ADCY2: variants seen among roughly 807,000 people sequenced by gnomAD.
ADCY2 encodes adenylate cyclase type 2.
Under a neutral mutation model 125.2 loss-of-function variants are expected in ADCY2, and 31 were observed. The ratio of observed to expected loss-of-function variants is 0.25; its 90% CI spans 0.19 to 0.33. The LOEUF is 0.33. Ranked by LOEUF, ADCY2 falls within the 10% of genes least tolerant of loss-of-function variation. ADCY2 has a pLI of 1.00. For missense variants in ADCY2, 904 were observed against 1,418.2 expected, an observed-to-expected ratio of 0.64 and a Z score of 5.82; for synonymous variants, 512 against 548.4, an observed-to-expected ratio of 0.93 and a Z score of 0.93.
chr5:7,758,748 TG>T (rs1743097532), intron 16 of ADCY2, among the ~76,000 whole-genome samples: 1 of 11,604 alleles, frequency 8.6e-5, no homozygotes, highest in Non-Finnish European at 6.9e-4. Context: ...GCCTGCTCGA[TG>T]GAATCCTGGA....
At position 7,575,316 on chromosome 5, in the gene ADCY2, G is replaced by A. The variant is rs576330489; in HGVS notation, c.571-50851G>A. Among the ~76,000 whole-genome samples, 440 of 151,734 alleles carry A rather than the reference G, an allele frequency of 2.9e-3. 1 individual carries two copies. The highest frequency in any genetic ancestry group is 9.9e-3 in the African/African-American group (410 of 41,320). The stretch of plus-strand genomic sequence containing the variant: ...TTTTCTTTTGGATTGTCTGTTTCCC[G>A]TGCATTAAAATAATGAAAAAAACAC... On this transcript the variant is annotated intron_variant, in intron 3 of 24. Transcript: ENST00000338316.
At chr5:7,502,615 C>G (rs990601929) in intron 2 of ADCY2, among the ~76,000 whole-genome samples, 1 of 152,216 alleles carries the variant, frequency 6.6e-6, no homozygotes, top group African/African-American at 2.4e-5. Flanking sequence ...TGGGGTCATT[C>G]AAATATGTGT....
chr5:7,795,116 CCTGAGAGGTGA>C, intron 20 of ADCY2: 1 of 152,268 alleles, frequency 6.6e-6, no homozygotes, highest in Middle Eastern at 3.4e-3. Flanking sequence ...CCTCCTGGGC[CCTGAGAGGTGA>C]CTGAGAGCAA....
In ADCY2 at chr5:7,413,241, A is replaced by G. The variant is rs146933897; in HGVS notation, c.211-1332A>G. 9.0e-3 allele frequency among the ~76,000 whole-genome samples: 1,362 copies of G among 152,104 alleles called. 18 individuals are homozygous for G. Among genetic ancestry groups the G allele is most frequent in the African/African-American group, 0.03 (1,251 of 41,520 alleles). The stretch of plus-strand genomic sequence containing the variant: ...CCACCTGTAAAGAATAGAGATCACC[A>G]GACAGACAGTCCCTTTGTAAGTCCC... On this transcript the variant is annotated intron_variant, in intron 1 of 24. Coordinates refer to ENST00000338316, the MANE Select transcript of ADCY2 (RefSeq NM_020546.3).
At chr5:7,421,641 A>G (rs1232827917) in intron 2 of ADCY2, among the ~76,000 whole-genome samples, 1 of 152,210 alleles carries the variant, frequency 6.6e-6, no homozygotes, top group Non-Finnish European at 1.5e-5. Context: ...CCTAACTGAC[A>G]ACGGTTCCCT....
intron 2 of ADCY2, among the ~76,000 whole-genome samples, chr5:7,479,214 G>C (rs1458267666): frequency 6.6e-6 from 1 of 150,562 alleles, no homozygotes; most frequent in Non-Finnish European, 1.5e-5. Flanking sequence ...TTCTTAAAAA[G>C]GGGCACGTTT....
chr5:7,776,455 G>T (rs1050931782), intron 18 of ADCY2, among the ~76,000 whole-genome samples: 1 of 152,092 alleles, frequency 6.6e-6, no homozygotes, highest in African/African-American at 2.4e-5. Context: ...CTTCTTTCTG[G>T]GACCCTTGCT....
At chr5:7,635,681 G>T (rs542166916) in intron 4 of ADCY2, among the ~76,000 whole-genome samples, 242 of 152,300 alleles carry the variant, frequency 1.6e-3, no homozygotes, top group African/African-American at 5.6e-3. Context: ...TACAGGACCA[G>T]ATGAGATGCC....
rs774756683 is a variant in ADCY2, at chr5:7,757,618, G to A, written c.2094+32G>A. On this transcript the variant is annotated intron_variant, in intron 16 of 24. Transcript: ENST00000338316. ...CCCAGAGCACGGCCGTGTTCAACAT[G>A]GTAAGCCCCAGAGCATGGCCGTGTT... is the stretch of plus-strand genomic sequence containing the variant. 6 of 1,604,516 alleles carry A rather than the reference G, an allele frequency of 3.7e-6. No individual in the cohort carries two copies. In the East Asian group the frequency reaches 1.3e-4, roughly 36 times the overall value.
chr5:7,783,343 C>G (rs1231132783), intron 18 of ADCY2, among the ~76,000 whole-genome samples: 2 of 152,106 alleles, frequency 1.3e-5, no homozygotes, highest in Non-Finnish European at 2.9e-5. Context: ...GCTAAAACAG[C>G]CTGCAGGGTA....
intron 1 of ADCY2, among the ~76,000 whole-genome samples, chr5:7,409,421 T>C (rs1378114821): frequency 2.0e-5 from 3 of 152,270 alleles, no homozygotes; most frequent in African/African-American, 7.2e-5. Context: ...CATTATGTTT[T>C]ACTTTTCATT....
At chr5:7,542,162 G>T (rs941479343) in intron 3 of ADCY2, among the ~76,000 whole-genome samples, 2 of 152,168 alleles carry the variant, frequency 1.3e-5, no homozygotes, top group African/African-American at 4.8e-5. Context: ...GCTGGCTGCA[G>T]AGTCCCCCCC....
At chr5:7,595,419 T>G (rs1736975423) in intron 3 of ADCY2, among the ~76,000 whole-genome samples, 1 of 152,216 alleles carries the variant, frequency 6.6e-6, no homozygotes, top group African/African-American at 2.4e-5. Context: ...TTTAAATCTA[T>G]TTTTTCCAAA....
chr5:7,748,535 C>CACACACAG lies in ADCY2; in HGVS notation c.1956+4790_1956+4791insGACACACA, dbSNP rs1553984358. 9.7e-4 allele frequency among the ~76,000 whole-genome samples: 82 copies of CACACACAG among 84,886 alleles called. 1 individual carries two copies. Among genetic ancestry groups the CACACACAG allele is most frequent in the African/African-American group, 2.6e-3 (81 of 31,622 alleles). 55.7% of individuals were successfully genotyped at this position (84,886 alleles called of 152,430 possible). ...CCACCCTCCAACACACACACACACA[C>CACACACAG]ACACACACACACACACACACACACA... On this transcript the variant is annotated intron_variant, in intron 15 of 24. Transcript: ENST00000338316.
intron 17 of ADCY2, 66 bp from the exon 18 acceptor site, chr5:7,772,866 T>A: frequency 1.3e-6 from 2 of 1,501,662 alleles, no homozygotes; most frequent in Non-Finnish European, 1.8e-6. Context: ...GTCCCCTGAT[T>A]GTAATTGTTT....
intron 3 of ADCY2, among the ~76,000 whole-genome samples, chr5:7,548,984 A>G (rs1263578243): frequency 1.3e-5 from 2 of 152,202 alleles, no homozygotes; most frequent in Non-Finnish European, 2.9e-5. Context: ...GCAGATAATT[A>G]CAGGTGGTGT....
intron 3 of ADCY2, among the ~76,000 whole-genome samples, chr5:7,579,254 C>CT (rs1736348031): frequency 6.6e-6 from 1 of 152,204 alleles, no homozygotes; most frequent in Admixed American, 6.5e-5. Flanking sequence ...CCTGGATGAC[C>CT]TTTCTCTTTT....
chr5:7,413,281 CCTT>C, intron 1 of ADCY2, among the ~76,000 whole-genome samples: 1 of 151,924 alleles, frequency 6.6e-6, no homozygotes, highest in South Asian at 2.1e-4. Context: ...ATGGTCCCAG[CCTT>C]GGGGTTTTTT....
At chr5:7,619,281 G>A (rs1737873997) in intron 3 of ADCY2, among the ~76,000 whole-genome samples, 1 of 152,198 alleles carries the variant, frequency 6.6e-6, no homozygotes, top group Non-Finnish European at 1.5e-5. Context: ...ATGCTTTGTA[G>A]TCTATAGGTG....
Sources: gnomAD v4.1 joint callset for allele counts (sites outside exome capture counted in the v4.1 genomes callset) on GRCh38, gnomAD v4.1.1 for gene constraint, MANE v1.5 for transcripts, NCBI Gene and HGNC (gene_info 2026-07-23, HGNC 2026-07-21) for gene names.